The following SLC26A4 variants were observed in gnomAD, a reference collection of about 807,000 sequenced individuals.
SLC26A4 encodes pendrin.
SLC26A4 carries 93 observed loss-of-function variants against 90.4 expected under a neutral mutation model. The ratio of observed to expected loss-of-function variants is 1.03; its 90% CI spans 0.87 to 1.22. SLC26A4 has a LOEUF of 1.22. SLC26A4 is among the 50% of genes most tolerant of loss of function. The probability of loss-of-function intolerance (pLI) is 0.00; values close to 1 mark genes in which losing one functional copy is unlikely to be tolerated. For synonymous variants in SLC26A4, 393 were observed against 354.6 expected (o/e 1.11, Z -1.22); for missense variants, 1,127 against 946.2 (o/e 1.19, Z -2.51).
At chr7:107,694,071 T>G (rs539656943) in intron 10 of SLC26A4, among the ~76,000 whole-genome samples, 1 of 152,270 alleles carries the variant, frequency 6.6e-6, no homozygotes, top group African/African-American at 2.4e-5. Context: ...CCTGCCATGG[T>G]AAATAACTAG....
Position 107,661,847 on chromosome 7 carries a change from G to A in SLC26A4, c.164+42G>A. 1.3e-6 allele frequency: 2 copies of A among 1,523,112 alleles called. No homozygotes were observed. Among genetic ancestry groups the A allele is most frequent in the Non-Finnish European group, 1.8e-6 (2 of 1,138,304 alleles). The allele number at this position is 1,523,112 out of a possible 1,614,324, so 94.3% of individuals were successfully genotyped here. On this transcript the variant is annotated intron_variant, in intron 2 of 20. Transcript: ENST00000644269. This position sits in a 1 kb window ranked among gnomAD's most constrained non-coding sequence, Gnocchi z 5.1. ...CCTGCGTAGAGAGAAGCGGAGCGGG[G>A]CGTCCACGCCTTGGGGAGGGAAGGG...
chr7:107,676,854 A>G (rs1428190524), intron 6 of SLC26A4, among the ~76,000 whole-genome samples: 1 of 152,182 alleles, frequency 6.6e-6, no homozygotes, highest in Non-Finnish European at 1.5e-5. Context: ...GTGAGAATAG[A>G]CAGAGGAGGC....
intron 3 of SLC26A4, among the ~76,000 whole-genome samples, chr7:107,664,339 C>T (rs1430007525): frequency 1.3e-5 from 2 of 152,220 alleles, no homozygotes; most frequent in Non-Finnish European, 2.9e-5. Context: ...TCAAGTGATT[C>T]TTGTGCCTCA....
Position 107,680,149 on chromosome 7 carries a change from CTTATTATATAATATAATCTTATCTTA to C in SLC26A4, c.766-3048_766-3023del, listed in dbSNP as rs1266104955. The stretch of plus-strand genomic sequence containing the variant: ...ATCTTATTATATAATATAATCTTAT[CTTATTATATAATATAATCTTATCTTA>C]TTATATAATATAATCTTATCTTATT... On this transcript the variant is annotated intron_variant, in intron 6 of 20. Coordinates refer to ENST00000644269, the MANE Select transcript of SLC26A4 (RefSeq NM_000441.2). 1.7e-3 allele frequency among the ~76,000 whole-genome samples: 202 copies of C among 117,086 alleles called. 4 individuals are homozygous for C. The highest frequency in any genetic ancestry group is 0.013 in the Middle Eastern group (1 of 80). 76.8% of individuals were successfully genotyped at this position (117,086 alleles called of 152,430 possible). A position where few individuals can be genotyped will look rare whatever the true frequency, so the allele number is the denominator to read the frequency against.
At chr7:107,704,191 TTTTGCAATAATAACC>T in intron 17 of SLC26A4, 125 bp from the exon 18 acceptor site, 1 of 620,518 alleles carries the variant, frequency 1.6e-6, no homozygotes, top group Non-Finnish European at 3.0e-6. Flanking sequence ...ACCTCCATGG[TTTTGCAATAATAACC>T]TTTCCTTAAA....
chr7:107,710,103 T>G lies in SLC26A4; in HGVS notation c.2139T>G (p.Ile713Met), dbSNP rs143708308. The stretch of plus-strand genomic sequence containing the variant: ...AATGCGGGTTCTTTGACGACAACAT[T>G]AGAAAGGACACATTCTTTTTGACGG... ...LEQCGFFDDN[I>M]RKDTFFLTVH... The change falls in exon 19 of 21, where the codon ATT (isoleucine) becomes ATG (methionine). Residue 713 changes from isoleucine to methionine, a missense_variant. Coordinates refer to ENST00000644269, the MANE Select transcript of SLC26A4 (RefSeq NM_000441.2). The G allele has an allele frequency of 5.2e-4, 840 of 1,611,228 alleles. 6 individuals carry two copies. In the African/African-American group the frequency reaches 9.9e-3, roughly 19 times the overall value.
intron 3 of SLC26A4, among the ~76,000 whole-genome samples, chr7:107,665,280 A>C (rs1790676003): frequency 6.6e-6 from 1 of 152,228 alleles, no homozygotes; most frequent in Admixed American, 6.5e-5. Context: ...AAGATTGCTC[A>C]GATCAGGCCA....
At chr7:107,710,352 T>G (rs1178599849) in intron 19 of SLC26A4, among the ~76,000 whole-genome samples, 153 bp downstream of exon 19, 1 of 152,212 alleles carries the variant, frequency 6.6e-6, no homozygotes, top group African/African-American at 2.4e-5. Flanking sequence ...AAAATGGAAG[T>G]AAAAACATTA....
At position 107,694,693 on chromosome 7, in the gene SLC26A4, T is replaced by C. The variant is rs373738509; in HGVS notation, c.1414T>C (p.Trp472Arg). The part of the protein sequence containing the change: ...FMQLCDIPRL[W>R]RQNKIDAVIW... Reference sequence around the variant, plus strand: ...GCAGCTGTGTGACATTCCTCGTCTGTGGAGACAGAATAAGATTGATGCTGT... The same window carrying C: ...GCAGCTGTGTGACATTCCTCGTCTGCGGAGACAGAATAAGATTGATGCTGT... Residue 472 changes from tryptophan (W) to arginine (R), a missense_variant, in exon 12 of 21, where the codon TGG becomes CGG. Coordinates refer to ENST00000644269, the MANE Select transcript of SLC26A4 (RefSeq NM_000441.2). The C allele has an allele frequency of 9.3e-6, 15 of 1,612,740 alleles. No individual in the cohort carries two copies. In the African/African-American group the frequency reaches 1.2e-4, roughly 13 times the overall value.
intron 10 of SLC26A4, chr7:107,692,219 G>A: frequency 1.8e-6 from 1 of 544,090 alleles, no homozygotes. Flanking sequence ...ATTAAAGAAT[G>A]AAACGAGTAA....
At chr7:107,683,655 T>G in intron 8 of SLC26A4, 118 bp downstream of exon 8, 1 of 795,732 alleles carries the variant, frequency 1.3e-6, no homozygotes, top group African/African-American at 1.7e-5. Context: ...ATAGTCCTAT[T>G]TGTGTGTGAT....
In SLC26A4 at chr7:107,710,162, T is replaced by C. The variant is rs781383560; in HGVS notation, c.2198T>C (p.Val733Ala). 5 of 1,608,918 alleles carry C rather than the reference T, an allele frequency of 3.1e-6. No individual in the cohort carries two copies. The highest frequency in any genetic ancestry group is 4.3e-6 in the Non-Finnish European group (5 of 1,175,258). The change falls in exon 19 of 21, where the codon GTG becomes GCG. Residue 733 changes from valine to alanine, a missense_variant. Val to Ala is a moderately conservative substitution (Grantham distance 64). Transcript: ENST00000644269. ...GCTATACTCTATCTACAGAACCAAG[T>C]GAAATCTCAAGAGGGTCAAGGTTCC... ...HDAILYLQNQ[V>A]KSQEGQGSIL...
rs1363931186 is a variant in SLC26A4, at chr7:107,693,545, G to C, written c.1264-858G>C. ...AGTTCCCTGTCTCCTTTTCTTCTTT[G>C]TTTCAGAGCTTCTAATCTTCATCTT... On this transcript the variant is annotated intron_variant, in intron 10 of 20. Coordinates refer to ENST00000644269, the MANE Select transcript of SLC26A4 (RefSeq NM_000441.2). 3 of 984,716 alleles carry C rather than the reference G, an allele frequency of 3.0e-6. No individual in the cohort carries two copies. In the African/African-American group the frequency reaches 5.3e-5, roughly 17 times the overall value. 61.0% of individuals were successfully genotyped at this position (984,716 alleles called of 1,614,324 possible).
intron 14 of SLC26A4, among the ~76,000 whole-genome samples, chr7:107,698,825 A>G (rs1791812631): frequency 6.6e-6 from 1 of 152,224 alleles, no homozygotes; most frequent in African/African-American, 2.4e-5. Flanking sequence ...TGGTATTAGA[A>G]GAAATAAAAT....
intron 14 of SLC26A4, among the ~76,000 whole-genome samples, chr7:107,699,384 T>A (rs950093909): frequency 3.3e-5 from 5 of 152,172 alleles, no homozygotes; most frequent in African/African-American, 7.2e-5. Flanking sequence ...ACAGATGATA[T>A]CATAGGCCTC....
Position 107,703,550 on chromosome 7 carries a change from C to A in SLC26A4, c.2035-781C>A, listed in dbSNP as rs972720460. 2.0e-5 allele frequency among the ~76,000 whole-genome samples: 3 copies of A among 152,210 alleles called. No homozygotes were observed. The East Asian group carries it at 5.8e-4, about 29-fold the overall frequency. On this transcript the variant is annotated intron_variant, in intron 17 of 20. Coordinates refer to ENST00000644269, the MANE Select transcript of SLC26A4 (RefSeq NM_000441.2). Reference sequence around the variant, plus strand: ...TTGTACATTTCACTCTAAGCATTGGCTGAGATCCATTGTAGACTATATTGG... The same window carrying A: ...TTGTACATTTCACTCTAAGCATTGGATGAGATCCATTGTAGACTATATTGG...
chr7:107,676,935 A>G (rs1791038692), intron 6 of SLC26A4, among the ~76,000 whole-genome samples: 1 of 152,220 alleles, frequency 6.6e-6, no homozygotes, highest in Non-Finnish European at 1.5e-5. Flanking sequence ...GCAGTTTGGG[A>G]GACTGACACA....
At chr7:107,677,167 G>A (rs1791045459) in intron 6 of SLC26A4, among the ~76,000 whole-genome samples, 1 of 152,120 alleles carries the variant, frequency 6.6e-6, no homozygotes, top group Non-Finnish European at 1.5e-5. Context: ...ATGGGAGTGA[G>A]ACCCTGTCTC....
intron 6 of SLC26A4, 144 bp downstream of exon 6, chr7:107,675,253 C>T (rs1790990401): frequency 4.3e-6 from 3 of 694,398 alleles, no homozygotes; most frequent in Non-Finnish European, 7.7e-6. Flanking sequence ...ATTGCTTGAG[C>T]CCAGGAGTTT....
Sources: allele counts gnomAD v4.1 joint callset (sites outside exome capture counted in the v4.1 genomes callset), GRCh38; gene constraint gnomAD v4.1.1; non-coding constraint Gnocchi (gnomAD v3.1); transcripts MANE v1.5; gene names NCBI Gene and HGNC (gene_info 2026-07-23, HGNC 2026-07-21).